The following HADHB variants were observed in gnomAD, a reference collection of about 807,000 sequenced individuals.
HADHB encodes the protein trifunctional enzyme subunit beta, mitochondrial.
HADHB carries 50 observed loss-of-function variants against 61.9 expected under a neutral mutation model. The observed-to-expected ratio is 0.81, with a 90% CI of 0.64 to 1.02. The LOEUF is 1.02. HADHB is among the 50% of genes least tolerant of loss of function. The pLI, the probability that HADHB is intolerant of heterozygous loss-of-function variation, is 0.00. For missense variants in HADHB, 504 were observed against 586.5 expected, an observed-to-expected ratio of 0.86 and a Z score of 1.45; for synonymous variants, 191 against 201.6, an observed-to-expected ratio of 0.95 and a Z score of 0.45.
intron 3 of HADHB, among the ~76,000 whole-genome samples, chr2:26,255,424 A>G (rs1296106892): frequency 6.6e-6 from 1 of 151,352 alleles, no homozygotes; most frequent in Non-Finnish European, 1.5e-5. Flanking sequence ...CTTTGAACCC[A>G]GGAGGCGGAG....
At chr2:26,267,687 G>A (rs1467274398) in intron 4 of HADHB, among the ~76,000 whole-genome samples, 2 of 149,658 alleles carry the variant, frequency 1.3e-5, no homozygotes, top group East Asian at 2.0e-4. Flanking sequence ...CAGGAGAATC[G>A]ATTGAACCCG....
At chr2:26,268,527 A>C (rs949867109) in intron 4 of HADHB, among the ~76,000 whole-genome samples, 1 of 152,226 alleles carries the variant, frequency 6.6e-6, no homozygotes, top group Admixed American at 6.5e-5. Context: ...TGTTGATATC[A>C]TGTGCCCCCT....
At chr2:26,279,773 G>A (rs1672707655) in intron 9 of HADHB, among the ~76,000 whole-genome samples, 1 of 152,026 alleles carries the variant, frequency 6.6e-6, no homozygotes, top group East Asian at 1.9e-4. Flanking sequence ...TAAGAAAATA[G>A]GGTGTCCTAT....
At chr2:26,279,652 G>A (rs980642504) in intron 9 of HADHB, among the ~76,000 whole-genome samples, 11 of 151,430 alleles carry the variant, frequency 7.3e-5, no homozygotes, top group African/African-American at 2.7e-4. Context: ...GAAAAACAGA[G>A]TCTCCTTTTA....
At position 26,244,998 on chromosome 2, in the gene HADHB, G is replaced by C. The variant is rs1024560008; in HGVS notation, c.-9+8G>C. The C allele has an allele frequency of 8.1e-6, 2 of 246,760 alleles. No individual in the cohort carries two copies. Among genetic ancestry groups the C allele is most frequent in the South Asian group, 9.6e-5 (2 of 20,846 alleles). The allele number at this position is 246,760 out of a possible 1,614,324, so 15.3% of individuals were successfully genotyped here. ...TCGCGGACGTCAGCCAAGGTGAGAC[G>C]GCGAGCCCTCAGCTCTCCGCCCGGG... On this transcript the variant is annotated splice_region_variant and intron_variant, in intron 1 of 15. Coordinates refer to ENST00000317799, the MANE Select transcript of HADHB (RefSeq NM_000183.3).
intron 4 of HADHB, among the ~76,000 whole-genome samples, chr2:26,267,771 CAAAAAAAA>C (rs772133699): frequency 0.014 from 922 of 67,462 alleles, 10 homozygotes; most frequent in African/African-American, 0.053. Context: ...GACTCTGTCT[CAAAAAAAA>C]AAAAAAAAAA....
rs1672964231 is a variant in HADHB at position 26,284,952 on chromosome 2, AC to A, written c.1221del (p.Lys408ArgfsTer47). On this transcript the variant is annotated frameshift_variant, in exon 14 of 16. Coordinates refer to ENST00000317799, the MANE Select transcript of HADHB (RefSeq NM_000183.3). LOFTEE classifies it high-confidence loss of function. ...TGCAGAAAACTACATGGGTAGAAAAACCAAGGTGAGTTTCTAATTTTAAAAA... is the reference window on the plus strand; with the variant it reads ...TGCAGAAAACTACATGGGTAGAAAAACAAGGTGAGTTTCTAATTTTAAAAA... ...WFAENYMGRKTKVGLPPLEKF... is the reference protein window; with the variant it reads ...WFAENYMGRKXKVGLPPLEKF... 6.5e-7 allele frequency: 1 copy of A among 1,546,980 alleles called. No individual in the cohort carries two copies.
Position 26,282,112 on chromosome 2 carries a change from C to A in HADHB, c.934-733C>A, listed in dbSNP as rs567114335. Among the ~76,000 whole-genome samples, 141 of 151,432 alleles carry A rather than the reference C, an allele frequency of 9.3e-4. 1 individual carries two copies. The highest frequency in any genetic ancestry group is 9.2e-3 in the Admixed American group (140 of 15,182). On this transcript the variant is annotated intron_variant, in intron 10 of 15. Transcript: ENST00000317799. Reference sequence around the variant, plus strand: ...GTAGAATAAAATGACCTGTAAGCCACGGGCAGAAAGCAGCTGAGAGCCCAG... The same window carrying A: ...GTAGAATAAAATGACCTGTAAGCCAAGGGCAGAAAGCAGCTGAGAGCCCAG...
chr2:26,254,410 C>T lies in HADHB; in HGVS notation c.65-20C>T. ...ACTGAATGGTATTGCTTTTTGTAAA[C>T]AGTTTATTTTGTCTTCCAGCCATAA... On this transcript the variant is annotated intron_variant, in intron 2 of 15. Transcript: ENST00000317799. 1 of 1,591,116 alleles carries T rather than the reference C, an allele frequency of 6.3e-7. No homozygotes were observed. The highest frequency in any genetic ancestry group is 2.2e-5 in the East Asian group (1 of 44,750).
chr2:26,267,634 T>A (rs1300322430), intron 4 of HADHB, among the ~76,000 whole-genome samples: 1 of 151,712 alleles, frequency 6.6e-6, no homozygotes, highest in African/African-American at 2.4e-5. Flanking sequence ...TAGCTGGATT[T>A]GGTGGCAGGC....
chr2:26,262,354 C>T (rs1258190292), intron 3 of HADHB, among the ~76,000 whole-genome samples: 1 of 151,834 alleles, frequency 6.6e-6, no homozygotes, highest in East Asian at 1.9e-4. Context: ...ATTGTTAAGC[C>T]AATAAAATAT....
chr2:26,261,139 C>A, intron 3 of HADHB: 1 of 781,106 alleles, frequency 1.3e-6, no homozygotes, highest in Non-Finnish European at 2.2e-6. Context: ...TCCCCTTTGG[C>A]AGGGACTGTA....
chr2:26,245,987 G>A (rs1262275531), intron 1 of HADHB, among the ~76,000 whole-genome samples: 3 of 152,194 alleles, frequency 2.0e-5, no homozygotes, highest in Non-Finnish European at 4.4e-5. Context: ...AAGGGGCATC[G>A]AAGTTAAGAC....
At chr2:26,275,955 A>G (rs1672519307) in intron 6 of HADHB, among the ~76,000 whole-genome samples, 1 of 152,230 alleles carries the variant, frequency 6.6e-6, no homozygotes, top group African/African-American at 2.4e-5. Flanking sequence ...AATACTAAAA[A>G]TGAATTCCCT....
At chr2:26,283,838 C>T (rs1463497993) in intron 12 of HADHB, among the ~76,000 whole-genome samples, 1 of 152,228 alleles carries the variant, frequency 6.6e-6, no homozygotes, top group African/African-American at 2.4e-5. Flanking sequence ...TTGCCTTGCT[C>T]TTTGAACTCT....
intron 15 of HADHB, 50 bp downstream of exon 15, chr2:26,285,621 AT>A (rs780062365): frequency 7.2e-7 from 1 of 1,386,164 alleles, no homozygotes; most frequent in Non-Finnish European, 1.0e-6. Context: ...TTTTCTTGGA[AT>A]GACTAGAATG....
chr2:26,271,755 A>G (rs1325496474), intron 5 of HADHB, among the ~76,000 whole-genome samples: 1 of 152,124 alleles, frequency 6.6e-6, no homozygotes, highest in Non-Finnish European at 1.5e-5. Flanking sequence ...GACCAGCCTA[A>G]GCAACATAGT....
intron 15 of HADHB, among the ~76,000 whole-genome samples, chr2:26,286,664 G>A (rs941612207): frequency 2.0e-5 from 3 of 151,756 alleles, no homozygotes; most frequent in Middle Eastern, 3.4e-3. Context: ...CACCAAGCCC[G>A]GGCAATTTTT....
rs182828076 is a variant in HADHB, at chr2:26,280,468, G to C, written c.933+353G>C. Among the ~76,000 whole-genome samples, 24 of 152,330 alleles carry C rather than the reference G, an allele frequency of 1.6e-4. No homozygotes were observed. In the East Asian group the frequency reaches 1.9e-3, roughly 12 times the overall value. On this transcript the variant is annotated intron_variant, in intron 10 of 15. Coordinates refer to ENST00000317799, the MANE Select transcript of HADHB (RefSeq NM_000183.3). ...CTTAGGTCGAACCCCTGACCCAGATGGGGGGACAGTCAGAGAGTCTTCTTG... is the reference window on the plus strand; with the variant it reads ...CTTAGGTCGAACCCCTGACCCAGATCGGGGGACAGTCAGAGAGTCTTCTTG...
Sources: gnomAD v4.1 joint callset for allele counts (sites outside exome capture counted in the v4.1 genomes callset) on GRCh38, gnomAD v4.1.1 for gene constraint, MANE v1.5 for transcripts, NCBI Gene and HGNC (gene_info 2026-07-23, HGNC 2026-07-21) for gene names.